Variants in ADAMTSL3 observed in about 807,000 individuals in gnomAD.
The protein encoded by ADAMTSL3 is ADAMTS like 3, also known as ADAMTS-like protein 3.
In ADAMTSL3, 128 loss-of-function variants were observed where a neutral mutation model predicts 201.7. That is an observed-to-expected ratio of 0.63 (90% CI 0.55 to 0.73). ADAMTSL3 has a LOEUF of 0.73. Ranked by LOEUF, ADAMTSL3 falls within the 30% of genes least tolerant of loss-of-function variation. ADAMTSL3 has a pLI of 0.00. For missense variants in ADAMTSL3, 1,990 were observed against 2,119.6 expected (o/e 0.94, Z 1.20); for synonymous variants, 738 against 748.4 (o/e 0.99, Z 0.23).
intron 20 of ADAMTSL3, among the ~76,000 whole-genome samples, chr15:83,982,021 A>T (rs1383252131): frequency 4.6e-5 from 7 of 152,196 alleles, no homozygotes; most frequent in Non-Finnish European, 7.3e-5. Context: ...GGGTTTTATC[A>T]AATCACTTAC....
intron 2 of ADAMTSL3, among the ~76,000 whole-genome samples, chr15:83,676,089 T>A (rs1283180121): frequency 6.6e-6 from 1 of 152,178 alleles, no homozygotes; most frequent in African/African-American, 2.4e-5. Flanking sequence ...TTTTCTGTTT[T>A]CTATTTCAGT....
intron 2 of ADAMTSL3, among the ~76,000 whole-genome samples, chr15:83,665,945 T>C (rs1449418911): frequency 6.6e-6 from 1 of 152,196 alleles, no homozygotes; most frequent in Non-Finnish European, 1.5e-5. Context: ...CTAAATTCTC[T>C]TTACTCTCTT....
At chr15:83,919,801 T>TA (rs1349109449) in intron 16 of ADAMTSL3, among the ~76,000 whole-genome samples, 3 of 151,978 alleles carry the variant, frequency 2.0e-5, no homozygotes, top group Non-Finnish European at 4.4e-5. Flanking sequence ...TTGAAGGGGG[T>TA]GAAACTCCAA....
chr15:83,697,812 T>C (rs372686837), intron 2 of ADAMTSL3, among the ~76,000 whole-genome samples: 391 of 152,264 alleles, frequency 2.6e-3, no homozygotes, highest in Non-Finnish European at 4.5e-3. Context: ...TAGTATCAGC[T>C]CAACTTTCAG....
At chr15:83,723,124 A>G (rs2062124105) in intron 3 of ADAMTSL3, among the ~76,000 whole-genome samples, 2 of 152,226 alleles carry the variant, frequency 1.3e-5, no homozygotes, top group African/African-American at 4.8e-5. Context: ...GAGATAGTAG[A>G]TGAATAGGTA....
At chr15:83,683,471 C>A (rs945424870) in intron 2 of ADAMTSL3, among the ~76,000 whole-genome samples, 1 of 152,210 alleles carries the variant, frequency 6.6e-6, no homozygotes, top group Non-Finnish European at 1.5e-5. Flanking sequence ...CTACACATGT[C>A]TTTTCTCCTT....
chr15:84,013,530 A>G (rs1005438109), intron 23 of ADAMTSL3, among the ~76,000 whole-genome samples: 6 of 152,178 alleles, frequency 3.9e-5, no homozygotes, highest in African/African-American at 1.4e-4. Context: ...GGTCAGGTGC[A>G]GTGGGAGGCT....
chr15:83,844,477 A>G (rs1043120556), intron 7 of ADAMTSL3, among the ~76,000 whole-genome samples: 20 of 152,190 alleles, frequency 1.3e-4, no homozygotes, highest in African/African-American at 4.6e-4. Flanking sequence ...ATTGGTTTTC[A>G]TTCTCCTGTC....
intron 16 of ADAMTSL3, among the ~76,000 whole-genome samples, chr15:83,916,417 A>G (rs1356456537): frequency 3.9e-5 from 6 of 152,348 alleles, no homozygotes; most frequent in Non-Finnish European, 7.4e-5. Context: ...AAAGCCAAAA[A>G]TAGAAAATGA....
At chr15:83,704,552 C>T in intron 3 of ADAMTSL3, 44 bp downstream of exon 3, 3 of 1,562,614 alleles carry the variant, frequency 1.9e-6, no homozygotes, top group Admixed American at 1.9e-5. Flanking sequence ...TTGCTGTTTG[C>T]CAGTGGTCAG....
At chr15:83,929,542 C>T (rs182922379) in intron 17 of ADAMTSL3, among the ~76,000 whole-genome samples, 4 of 152,186 alleles carry the variant, frequency 2.6e-5, no homozygotes, top group Non-Finnish European at 5.9e-5. Flanking sequence ...AACTTATTTC[C>T]GAATAAGGTC....
intron 6 of ADAMTSL3, among the ~76,000 whole-genome samples, chr15:83,828,987 C>A (rs1567173959): frequency 6.6e-6 from 1 of 152,042 alleles, no homozygotes; most frequent in East Asian, 1.9e-4. Flanking sequence ...CTAAAATTCT[C>A]TTTTTTGGTT....
At chr15:83,695,252 GT>G (rs2061671238) in intron 2 of ADAMTSL3, among the ~76,000 whole-genome samples, 2 of 41,596 alleles carry the variant, frequency 4.8e-5, no homozygotes, top group African/African-American at 9.7e-5. Flanking sequence ...GTGTGTGTGT[GT>G]GTGTGTGTGG....
intron 15 of ADAMTSL3, among the ~76,000 whole-genome samples, chr15:83,909,815 C>G (rs186672066): frequency 1.3e-5 from 2 of 152,216 alleles, no homozygotes; most frequent in South Asian, 2.1e-4. Flanking sequence ...GGAATCTCAG[C>G]ATGTTGGCCA....
intron 6 of ADAMTSL3, among the ~76,000 whole-genome samples, chr15:83,832,193 A>G (rs150374771): frequency 8.5e-4 from 129 of 152,162 alleles, no homozygotes; most frequent in African/African-American, 2.3e-3. Context: ...TGCAGTCAAC[A>G]TGAGCTTTTA....
Position 83,891,015 on chromosome 15 carries a change from ATATAT to A in ADAMTSL3, c.1212-311_1212-307del, listed in dbSNP as rs139596426. Reference sequence around the variant, plus strand: ...ATAGGACAGTGTGTTAATATCACTAATATATTAAGAGAGTAATGATTATAAAAAGG... The same window carrying A: ...ATAGGACAGTGTGTTAATATCACTAATAAGAGAGTAATGATTATAAAAAGG... On this transcript the variant is annotated intron_variant, in intron 11 of 29. Transcript: ENST00000286744. 0.16 allele frequency: 41,543 copies of A among 254,756 alleles called. 3,923 individuals are homozygous for A. Among genetic ancestry groups the A allele is most frequent in the Middle Eastern group, 0.34 (259 of 756 alleles). The allele number at this position is 254,756 out of a possible 1,614,324, so 15.8% of individuals were successfully genotyped here. A position where few individuals can be genotyped will look rare whatever the true frequency, so the allele number is the denominator to read the frequency against.
At chr15:83,726,775 A>G (rs2062182789) in intron 3 of ADAMTSL3, among the ~76,000 whole-genome samples, 1 of 151,554 alleles carries the variant, frequency 6.6e-6, no homozygotes, top group African/African-American at 2.4e-5. Flanking sequence ...TTTCTAATTT[A>G]TTGTTGATTT....
intron 7 of ADAMTSL3, among the ~76,000 whole-genome samples, chr15:83,844,508 A>G (rs1454067085): frequency 1.3e-5 from 2 of 151,904 alleles, no homozygotes; most frequent in African/African-American, 4.8e-5. Context: ...ATCTCTTTCT[A>G]CCTCCACATT....
intron 6 of ADAMTSL3, among the ~76,000 whole-genome samples, chr15:83,833,727 A>C (rs2064205548): frequency 6.6e-6 from 1 of 152,196 alleles, no homozygotes. Context: ...TCATGCTTAG[A>C]TGGCTTAGTA....
Sources: allele counts gnomAD v4.1 joint callset (sites outside exome capture counted in the v4.1 genomes callset), GRCh38; gene constraint gnomAD v4.1.1; transcripts MANE v1.5; gene names NCBI Gene and HGNC (gene_info 2026-07-23, HGNC 2026-07-21).